The following CHL1 variants were observed in gnomAD, a reference collection of about 807,000 sequenced individuals.
The protein encoded by CHL1 is cell adhesion molecule L1 like, also known as neural cell adhesion molecule L1-like protein.
Under a neutral mutation model 141.9 loss-of-function variants are expected in CHL1, and 96 were observed. The ratio of observed to expected loss-of-function variants is 0.68; its 90% CI spans 0.57 to 0.80. The LOEUF (loss-of-function observed/expected upper bound fraction) is 0.80. CHL1 is among the 30% of genes least tolerant of loss of function. The pLI is 0.00. For missense variants in CHL1, 1,820 were observed against 1,457.2 expected, an observed-to-expected ratio of 1.25 and a Z score of -4.05; for synonymous variants, 613 against 502.2, an observed-to-expected ratio of 1.22 and a Z score of -2.95.
At chr3:345,346 C>G (rs1026725777) in intron 9 of CHL1, among the ~76,000 whole-genome samples, 11 of 151,978 alleles carry the variant, frequency 7.2e-5, no homozygotes, top group African/African-American at 2.4e-4. Flanking sequence ...ACTCTGCTGC[C>G]CTTTGCACAC....
chr3:240,277 A>G (rs1230008665), intron 1 of CHL1, among the ~76,000 whole-genome samples: 2 of 152,108 alleles, frequency 1.3e-5, no homozygotes, highest in African/African-American at 2.4e-5. Flanking sequence ...AATTTTTTTC[A>G]TTATGGCCAT....
intron 2 of CHL1, chr3:246,781 A>G (rs922073755): frequency 1.3e-5 from 2 of 152,142 alleles, no homozygotes; most frequent in African/African-American, 4.8e-5. Context: ...TGCCTATCAG[A>G]TGAATACATA....
chr3:382,243 C>T lies in CHL1; in HGVS notation c.1941C>T (p.Thr647=), dbSNP rs1276845517. The part of the protein sequence containing the change: ...SERQNRSVRL[T]WEAGADHNSN... ...GACAGAACAGGAGTGTTCGGCTGACCTGGGAAGCTGGAGCTGACCACAACA... is the reference window on the plus strand; with the variant it reads ...GACAGAACAGGAGTGTTCGGCTGACTTGGGAAGCTGGAGCTGACCACAACA... Residue 647 remains threonine, a synonymous_variant, in exon 17 of 28, where the codon ACC becomes ACT. Transcript: ENST00000256509. 1.9e-6 allele frequency: 3 copies of T among 1,613,796 alleles called. No homozygotes were observed. The highest frequency in any genetic ancestry group is 2.5e-6 in the Non-Finnish European group (3 of 1,179,742).
chr3:337,496 C>T (rs1397141673), intron 5 of CHL1, among the ~76,000 whole-genome samples: 1 of 151,868 alleles, frequency 6.6e-6, no homozygotes, highest in Non-Finnish European at 1.5e-5. Context: ...AGGTATGTCT[C>T]CCAATGCTAT....
intron 1 of CHL1, among the ~76,000 whole-genome samples, chr3:223,803 G>A (rs1701079918): frequency 6.6e-6 from 1 of 152,104 alleles, no homozygotes; most frequent in Non-Finnish European, 1.5e-5. Flanking sequence ...AGGGGGCTAG[G>A]GAATGGGAAA....
chr3:339,207 G>T (rs1702171358), intron 5 of CHL1, among the ~76,000 whole-genome samples: 1 of 152,206 alleles, frequency 6.6e-6, no homozygotes, highest in Non-Finnish European at 1.5e-5. Context: ...TCAATTTGGA[G>T]ATTTGGGTAC....
At chr3:349,033 T>C (rs1703005758) in intron 9 of CHL1, among the ~76,000 whole-genome samples, 1 of 152,216 alleles carries the variant, frequency 6.6e-6, no homozygotes, top group Admixed American at 6.5e-5. Flanking sequence ...TTGGTAATAT[T>C]ATTTCAATGA....
chr3:267,229 A>C (rs17016536), intron 2 of CHL1, among the ~76,000 whole-genome samples: 74,815 of 151,954 alleles, frequency 0.49, 18,786 homozygotes, highest in South Asian at 0.67. Flanking sequence ...CTTTACTTGG[A>C]AGCAAGACTT....
chr3:259,420 A>G (rs1284781938), intron 2 of CHL1, among the ~76,000 whole-genome samples: 1 of 152,102 alleles, frequency 6.6e-6, no homozygotes, highest in African/African-American at 2.4e-5. Flanking sequence ...AAATTTGAAA[A>G]TATATGAAGT....
intron 2 of CHL1, among the ~76,000 whole-genome samples, chr3:310,202 G>A (rs1179035354): frequency 6.6e-6 from 1 of 152,164 alleles, no homozygotes; most frequent in East Asian, 1.9e-4. Context: ...GGTCGAGGTG[G>A]GAGGATCATT....
At chr3:208,311 A>G (rs951044097) in intron 1 of CHL1, among the ~76,000 whole-genome samples, 1 of 147,870 alleles carries the variant, frequency 6.8e-6, no homozygotes, top group East Asian at 1.9e-4. Context: ...TACTGTATTT[A>G]ACAGTAAAAC....
chr3:395,121 A>C (rs946388450), intron 24 of CHL1, among the ~76,000 whole-genome samples: 4 of 152,224 alleles, frequency 2.6e-5, no homozygotes, highest in Admixed American at 1.3e-4. Context: ...TAGTGTATAC[A>C]AGGTCAGGAA....
rs76073385 is a variant in CHL1 at position 211,033 on chromosome 3, C to G, written c.-175+13970C>G. 1.2e-4 allele frequency among the ~76,000 whole-genome samples: 19 copies of G among 152,332 alleles called. No homozygotes were observed. The East Asian group carries it at 2.9e-3, about 23-fold the overall frequency. On this transcript the variant is annotated intron_variant, in intron 1 of 27. Transcript: ENST00000256509. The stretch of plus-strand genomic sequence containing the variant: ...TGATCTATTTAGGTTTATCCTTACT[C>G]TTTTCCATTTATCTGGGAAGTGACT...
Position 328,249 on chromosome 3 carries a change from A to T in CHL1, c.280A>T (p.Ile94Phe), listed in dbSNP as rs201818851. Reference protein sequence around the residue: ...IPSNNSGTFRIPNEGHISHFQ... With the variant: ...IPSNNSGTFRFPNEGHISHFQ... ...ATCGAACAATTCAGGAACATTCAGG[A>T]TCCCAAACGAGGGGCACATATCTCA... Residue 94 changes from isoleucine to phenylalanine, a missense_variant, in exon 5 of 28, where the codon ATC (isoleucine) becomes TTC (phenylalanine). Transcript: ENST00000256509. 1 of 1,613,096 alleles carries T rather than the reference A, an allele frequency of 6.2e-7. No individual in the cohort carries two copies. The highest frequency in any genetic ancestry group is 1.3e-5 in the African/African-American group (1 of 74,990).
At chr3:305,905 A>G (rs905258177) in intron 2 of CHL1, among the ~76,000 whole-genome samples, 2 of 152,110 alleles carry the variant, frequency 1.3e-5, no homozygotes, top group African/African-American at 4.8e-5. Flanking sequence ...GATGATAAAA[A>G]CAGTAGTTCT....
intron 14 of CHL1, among the ~76,000 whole-genome samples, chr3:364,291 C>T (rs1470958675): frequency 6.6e-6 from 1 of 152,312 alleles, no homozygotes; most frequent in East Asian, 1.9e-4. Context: ...CAAATACTCT[C>T]CCACAATATC....
intron 11 of CHL1, among the ~76,000 whole-genome samples, chr3:359,749 C>T (rs1002752605): frequency 1.3e-5 from 2 of 152,096 alleles, no homozygotes; most frequent in East Asian, 1.9e-4. Context: ...AATATACAAG[C>T]AATGTACATG....
At chr3:229,788 A>G (rs987390335) in intron 1 of CHL1, among the ~76,000 whole-genome samples, 3 of 152,188 alleles carry the variant, frequency 2.0e-5, no homozygotes, top group African/African-American at 7.2e-5. Flanking sequence ...TTGACTGTGC[A>G]CAGTTTAGAA....
chr3:243,339 CA>C (rs1212267637), intron 1 of CHL1, among the ~76,000 whole-genome samples: 1 of 152,064 alleles, frequency 6.6e-6, no homozygotes, highest in Non-Finnish European at 1.5e-5. Flanking sequence ...TCAGTGAACA[CA>C]ATTATATTAA....
Sources: allele counts gnomAD v4.1 joint callset (sites outside exome capture counted in the v4.1 genomes callset), GRCh38; gene constraint gnomAD v4.1.1; transcripts MANE v1.5; gene names NCBI Gene and HGNC (gene_info 2026-07-23, HGNC 2026-07-21).